The following PABPC4L variants were observed in gnomAD, a reference collection of about 807,000 sequenced individuals.
PABPC4L encodes poly(A) binding protein cytoplasmic 4 like.
For missense variants in PABPC4L, 452 were observed against 451.4 expected (o/e 1.00, Z -0.01); for synonymous variants, 169 against 164.1 (o/e 1.03, Z -0.23).
At chr4:134,140,720 A>G in the PABPC4L span, among the ~76,000 whole-genome samples, 3 of 151,852 alleles carry the variant, frequency 2.0e-5, no homozygotes, top group South Asian at 6.2e-4. Context: ...GAGATACAAT[A>G]TGTATATGCT....
chr4:134,185,664 A>G, the PABPC4L span, among the ~76,000 whole-genome samples: 6 of 152,282 alleles, frequency 3.9e-5, no homozygotes, highest in South Asian at 8.3e-4. Context: ...CCTATTCAAC[A>G]TAGTGTTGGA....
At chr4:134,002,368 A>C in the PABPC4L span, among the ~76,000 whole-genome samples, 1 of 151,998 alleles carries the variant, frequency 6.6e-6, no homozygotes, top group East Asian at 1.9e-4. Context: ...ATATGAAATC[A>C]TTTTTATCTT....
the PABPC4L span, among the ~76,000 whole-genome samples, chr4:134,061,000 C>G: frequency 6.6e-6 from 1 of 151,704 alleles, no homozygotes; most frequent in Non-Finnish European, 1.5e-5. Flanking sequence ...TGAATAAGAC[C>G]TAGTATTTTC....
At chr4:134,012,009 T>C in the PABPC4L span, among the ~76,000 whole-genome samples, 1 of 152,124 alleles carries the variant, frequency 6.6e-6, no homozygotes, top group African/African-American at 2.4e-5. Flanking sequence ...TCTTTGTATA[T>C]ACTGTATTGA....
At chr4:134,173,753 T>C in the PABPC4L span, among the ~76,000 whole-genome samples, 1 of 152,240 alleles carries the variant, frequency 6.6e-6, no homozygotes, top group South Asian at 2.1e-4. Flanking sequence ...CTTGAGGTGA[T>C]TGATGCATAA....
chr4:133,965,354 T>G, the PABPC4L span, among the ~76,000 whole-genome samples: 1 of 152,146 alleles, frequency 6.6e-6, no homozygotes, highest in Non-Finnish European at 1.5e-5. Context: ...CCCATGTTCA[T>G]GGATGGGTAG....
At chr4:133,973,073 A>G in the PABPC4L span, among the ~76,000 whole-genome samples, 1 of 152,172 alleles carries the variant, frequency 6.6e-6, no homozygotes. Flanking sequence ...CCCTACATGT[A>G]AGATATCTAG....
At chr4:134,013,366 C>T in the PABPC4L span, among the ~76,000 whole-genome samples, 1 of 152,002 alleles carries the variant, frequency 6.6e-6, no homozygotes, top group Non-Finnish European at 1.5e-5. Context: ...CCCACCTCTT[C>T]TCCGTGTCTC....
the PABPC4L span, among the ~76,000 whole-genome samples, chr4:133,995,557 A>C: frequency 6.6e-6 from 1 of 152,162 alleles, no homozygotes; most frequent in Non-Finnish European, 1.5e-5. Flanking sequence ...CCAATTGATA[A>C]ATTCAACAAA....
chr4:133,971,570 T>A, the PABPC4L span, among the ~76,000 whole-genome samples: 1 of 152,168 alleles, frequency 6.6e-6, no homozygotes, highest in Non-Finnish European at 1.5e-5. Flanking sequence ...GTAATTTTTC[T>A]GAAGATCAAA....
chr4:134,171,740 T>A, the PABPC4L span, among the ~76,000 whole-genome samples: 1 of 152,104 alleles, frequency 6.6e-6, no homozygotes, highest in Non-Finnish European at 1.5e-5. Context: ...TGTTTGCAGA[T>A]TATGTGATGC....
At chr4:134,037,756 T>A in the PABPC4L span, among the ~76,000 whole-genome samples, 1 of 152,182 alleles carries the variant, frequency 6.6e-6, no homozygotes, top group Non-Finnish European at 1.5e-5. Flanking sequence ...TATACAATCA[T>A]GTCATCTGCA....
At chr4:134,109,532 C>T in the PABPC4L span, among the ~76,000 whole-genome samples, 1 of 151,428 alleles carries the variant, frequency 6.6e-6, no homozygotes, top group Non-Finnish European at 1.5e-5. Flanking sequence ...AAAATAATGT[C>T]CCTATGGATA....
chr4:134,128,306 C>G, the PABPC4L span, among the ~76,000 whole-genome samples: 1 of 152,066 alleles, frequency 6.6e-6, no homozygotes, highest in Non-Finnish European at 1.5e-5. Flanking sequence ...AAAAGAAGCT[C>G]AAATAACACA....
the PABPC4L span, among the ~76,000 whole-genome samples, chr4:134,114,011 G>A: frequency 7.9e-5 from 12 of 151,882 alleles, no homozygotes; most frequent in East Asian, 3.9e-4. Flanking sequence ...TAAATTCAGC[G>A]GAACACTTTG....
chr4:134,000,063 C>T, the PABPC4L span, among the ~76,000 whole-genome samples: 11 of 151,918 alleles, frequency 7.2e-5, no homozygotes, highest in Non-Finnish European at 1.3e-4. Context: ...TGCTCATCTT[C>T]GTGAAGATTC....
the PABPC4L span, among the ~76,000 whole-genome samples, chr4:133,966,920 G>A: frequency 0.18 from 26,973 of 152,008 alleles, 3,043 homozygotes; most frequent in Middle Eastern, 0.25. Flanking sequence ...TTGGTGTTCC[G>A]GTGAAAGAAA....
the PABPC4L span, among the ~76,000 whole-genome samples, chr4:134,141,236 C>T: frequency 6.6e-6 from 1 of 151,502 alleles, no homozygotes; most frequent in South Asian, 2.1e-4. Context: ...AGTACCACCA[C>T]CCCTGTGGAC....
At chr4:133,966,815 G>C in the PABPC4L span, among the ~76,000 whole-genome samples, 4 of 152,188 alleles carry the variant, frequency 2.6e-5, no homozygotes, top group Admixed American at 1.3e-4. Flanking sequence ...GGGTAGGGTG[G>C]GAGTGGGGCA....
Sources: gnomAD v4.1 joint callset for allele counts (sites outside exome capture counted in the v4.1 genomes callset) on GRCh38, gnomAD v4.1.1 for gene constraint, MANE v1.5 for transcripts, NCBI Gene and HGNC (gene_info 2026-07-23, HGNC 2026-07-21) for gene names.